The following SSC5D variants were observed in gnomAD, a reference collection of about 807,000 sequenced individuals.
SSC5D encodes the protein scavenger receptor cysteine rich family member with 5 domains.
Under a neutral mutation model 104.6 loss-of-function variants are expected in SSC5D, and 106 were observed. That is an observed-to-expected ratio of 1.01 (90% CI 0.87 to 1.19). The LOEUF is 1.19. Among genes scored for constraint, SSC5D ranks in the 50% most tolerant of loss-of-function variants. SSC5D has a pLI of 0.00. For synonymous variants in SSC5D, 860 were observed against 883.5 expected (o/e 0.97, Z 0.47); for missense variants, 1,993 against 2,153.8 (o/e 0.93, Z 1.48).
rs111983651 is a variant in SSC5D at position 55,517,220 on chromosome 19, C to G, written c.2948-4C>G. 275 of 1,535,898 alleles carry G rather than the reference C, an allele frequency of 1.8e-4. No homozygotes were observed. In the African/African-American group the frequency reaches 3.6e-3, roughly 20 times the overall value. ...CCGTCCGTCTGTCTTTCCTCCTCCT[C>G]CAGGTTCCCCGAGGAAACCGTGGCC... On this transcript the variant is annotated splice_polypyrimidine_tract_variant and splice_region_variant and intron_variant, in intron 13 of 13. Transcript: ENST00000389623.
At chr19:55,515,794 G>A (rs1024788130) in intron 13 of SSC5D, among the ~76,000 whole-genome samples, 2 of 152,016 alleles carry the variant, frequency 1.3e-5, no homozygotes, top group Non-Finnish European at 1.5e-5. Flanking sequence ...CACACTGGCC[G>A]CATTTCAAGG....
Position 55,518,319 on chromosome 19 carries a change from A to G in SSC5D, c.4043A>G (p.Glu1348Gly). Residue 1348 changes from glutamate to glycine, a missense_variant, in exon 14 of 14, where the codon GAA becomes GGA. This residue lies in a region of SSC5D where 349 missense variants were observed against 397.6 expected (regional missense o/e 0.88). Coordinates refer to ENST00000389623, the MANE Select transcript of SSC5D (RefSeq NM_001144950.2). ...TCCCTTCCAACCTCCTTGGGGACAG[A>G]ACTCTCCTCTCCCACTCTAGCACCA... ...TVSLPTSLGT[E>G]LSSPTLAPTV... The G allele has an allele frequency of 6.4e-7, 1 of 1,550,456 alleles. No individual in the cohort carries two copies. The highest frequency in any genetic ancestry group is 1.2e-5 in the South Asian group (1 of 83,990).
At chr19:55,493,155 C>T (rs900687733) in intron 6 of SSC5D, among the ~76,000 whole-genome samples, 1 of 152,218 alleles carries the variant, frequency 6.6e-6, no homozygotes, top group Non-Finnish European at 1.5e-5. Context: ...CCCCAAAGGA[C>T]ATCAGGCAAT....
chr19:55,490,846 A>G lies in SSC5D; in HGVS notation c.661A>G (p.Thr221Ala). The G allele has an allele frequency of 6.5e-7, 1 of 1,546,946 alleles. No individual in the cohort carries two copies. The highest frequency in any genetic ancestry group is 2.4e-5 in the East Asian group (1 of 40,832). Residue 221 changes from threonine to alanine, a missense_variant, in exon 6 of 14, where the codon ACC becomes GCC. Thr to Ala is a moderately conservative substitution (Grantham distance 58, BLOSUM62 0). This residue lies in a region of SSC5D where 1,101 missense variants were observed against 1,085.0 expected (regional missense o/e 1.01). Coordinates refer to ENST00000389623, the MANE Select transcript of SSC5D (RefSeq NM_001144950.2). ...GGTCTGGCACGGCGGGCGCTGGGGC[A>G]CCGTATGTGACGATGGCTGGGACCT... Reference protein sequence around the residue: ...LEVWHGGRWGTVCDDGWDLRD... With the variant: ...LEVWHGGRWGAVCDDGWDLRD...
At position 55,488,437 on chromosome 19, in the gene SSC5D, CTCCTGGCAAAGCGTCCAG is replaced by C; in HGVS notation, c.-152_-135del. Reference sequence around the variant, plus strand: ...CCGCCTCCCTGCAGCCTCTTTCTTCCTCCTGGCAAAGCGTCCAGCCCTGCCTGCTCCTCCTCGGGCCTG... The same window carrying C: ...CCGCCTCCCTGCAGCCTCTTTCTTCCCCCTGCCTGCTCCTCCTCGGGCCTG... On this transcript the variant is annotated 5_prime_UTR_variant, in exon 1 of 14. Transcript: ENST00000389623. 1 of 259,554 alleles carries C rather than the reference CTCCTGGCAAAGCGTCCAG, an allele frequency of 3.9e-6. No individual in the cohort carries two copies. Among genetic ancestry groups the C allele is most frequent in the South Asian group, 6.6e-5 (1 of 15,046 alleles). 16.1% of individuals were successfully genotyped at this position (259,554 alleles called of 1,614,324 possible). A position where few individuals can be genotyped will look rare whatever the true frequency, so the allele number is the denominator to read the frequency against.
chr19:55,493,525 C>G, intron 6 of SSC5D, 70 bp from the exon 7 acceptor site: 1 of 1,310,576 alleles, frequency 7.6e-7, no homozygotes, highest in Non-Finnish European at 9.9e-7. Context: ...TGCAGCCTGC[C>G]TGAGCATAGC....
chr19:55,490,485 C>A (rs117623868), intron 5 of SSC5D, 77 bp downstream of exon 5: 6 of 623,158 alleles, frequency 9.6e-6, no homozygotes, highest in Middle Eastern at 3.1e-4. Context: ...TGAGGACCTG[C>A]GGGCGCCCTC....
chr19:55,494,780 G>A lies in SSC5D; in HGVS notation c.1384G>A (p.Ala462Thr). The change falls in exon 8 of 14, where the codon GCC (alanine) becomes ACC (threonine). Residue 462 changes from alanine (A) to threonine (T), a missense_variant. Physicochemically the swap from Ala to Thr is moderately conservative, Grantham distance 58 (BLOSUM62 0). Coordinates refer to ENST00000389623, the MANE Select transcript of SSC5D (RefSeq NM_001144950.2). ...PTVLWEPGPEAGSPQLRLVAG... is the reference protein window; with the variant it reads ...PTVLWEPGPETGSPQLRLVAG... ...TGTCCTTTGGGAGCCTGGACCGGAA[G>A]CCGGTGAGTCCCTCCATGCTCCCCA... 1 of 1,541,768 alleles carries A rather than the reference G, an allele frequency of 6.5e-7. No individual in the cohort carries two copies. Among genetic ancestry groups the A allele is most frequent in the East Asian group, 2.5e-5 (1 of 40,402 alleles).
Position 55,493,761 on chromosome 19 carries a change from C to T in SSC5D, c.1062C>T (p.Pro354=), listed in dbSNP as rs1420264459. ...ELGCGGALAA[P]GGAFFGEGSG... ...GCTGCGGAGGGGCGCTGGCCGCCCC[C>T]GGGGGCGCCTTCTTTGGGGAGGGGT... is the stretch of plus-strand genomic sequence containing the variant. The change falls in exon 7 of 14, where the codon CCC becomes CCT. Residue 354 remains proline, a synonymous_variant. Coordinates refer to ENST00000389623, the MANE Select transcript of SSC5D (RefSeq NM_001144950.2). 4.6e-6 allele frequency: 7 copies of T among 1,528,458 alleles called. No individual in the cohort carries two copies. The East Asian group carries it at 1.0e-4, about 22-fold the overall frequency. 94.7% of individuals were successfully genotyped at this position (1,528,458 alleles called of 1,614,324 possible). A position where few individuals can be genotyped will look rare whatever the true frequency, so the allele number is the denominator to read the frequency against.
intron 2 of SSC5D, 41 bp downstream of exon 2, chr19:55,489,073 CA>C (rs1224143508): frequency 4.0e-5 from 39 of 975,994 alleles, no homozygotes; most frequent in Admixed American, 8.5e-5. Flanking sequence ...CCCCCCCCCC[CA>C]GGCCTCCCCC....
chr19:55,513,684 A>G (rs1987807385), intron 13 of SSC5D, among the ~76,000 whole-genome samples: 1 of 152,212 alleles, frequency 6.6e-6, no homozygotes, highest in Admixed American at 6.5e-5. Context: ...TTGGATTGTC[A>G]TGGCAGGAAG....
chr19:55,505,211 C>T (rs952756915), intron 12 of SSC5D, among the ~76,000 whole-genome samples: 1 of 151,662 alleles, frequency 6.6e-6, no homozygotes, highest in East Asian at 1.9e-4. Flanking sequence ...TGAAAACGAA[C>T]AACAGCTGCA....
At chr19:55,490,437 C>CAAGCAACA (rs1358560980) in intron 5 of SSC5D, 29 bp downstream of exon 5, 1 of 738,464 alleles carries the variant, frequency 1.4e-6, no homozygotes, top group Non-Finnish European at 2.2e-6. Flanking sequence ...CCCCCGACCC[C>CAAGCAACA]AAGGCTGGTT....
In SSC5D at chr19:55,517,247, G is replaced by A. The variant is rs1161255485; in HGVS notation, c.2971G>A (p.Glu991Lys). The A allele has an allele frequency of 3.2e-6, 5 of 1,541,292 alleles. No homozygotes were observed. Among genetic ancestry groups the A allele is most frequent in the East Asian group, 2.4e-5 (1 of 40,874 alleles). ...AGGTTCCCCGAGGAAACCGTGGCCC[G>A]AGCGCCGGCCACCGCGGCCCGCTGC... The part of the protein sequence containing the change: ...DTGSPRKPWP[E>K]RRPPRPAATR... Residue 991 changes from glutamate to lysine, a missense_variant, in exon 14 of 14, where the codon GAG becomes AAG. Glu to Lys is a moderately conservative substitution (Grantham distance 56, BLOSUM62 1). Around this residue, in one of 6 missense-constraint regions of SSC5D, gnomAD observed 423 missense variants for 409.2 expected, o/e 1.03. Transcript: ENST00000389623.
intron 13 of SSC5D, among the ~76,000 whole-genome samples, chr19:55,514,450 ATAATAATAG>A (rs1568484791): frequency 1.2e-5 from 1 of 86,936 alleles, no homozygotes; most frequent in East Asian, 3.7e-4. Context: ...AATAATAATA[ATAATAATAG>A]GTGTGGTGGC....
chr19:55,490,962 C>G lies in SSC5D; in HGVS notation c.777C>G (p.Pro259=). Residue 259 remains proline (P), a synonymous_variant, in exon 6 of 14, where the codon CCC becomes CCG. Coordinates refer to ENST00000389623, the MANE Select transcript of SSC5D (RefSeq NM_001144950.2). The part of the protein sequence containing the change: ...GGARFGPGAG[P]VWMDDVGCGG... Reference sequence around the variant, plus strand: ...CCAGATTCGGGCCTGGTGCAGGGCCCGTGTGGATGGACGATGTGGGGTGTG... The same window carrying G: ...CCAGATTCGGGCCTGGTGCAGGGCCGGTGTGGATGGACGATGTGGGGTGTG... 1.3e-6 allele frequency: 2 copies of G among 1,546,894 alleles called. No individual in the cohort carries two copies. The highest frequency in any genetic ancestry group is 1.4e-5 in the African/African-American group (1 of 73,022).
chr19:55,491,116 C>T lies in SSC5D; in HGVS notation c.895+36C>T. 4 of 1,525,350 alleles carry T rather than the reference C, an allele frequency of 2.6e-6. No individual in the cohort carries two copies. The East Asian group carries it at 7.4e-5, about 28-fold the overall frequency. The allele number at this position is 1,525,350 out of a possible 1,614,324, so 94.5% of individuals were successfully genotyped here. On this transcript the variant is annotated intron_variant, in intron 6 of 13. Transcript: ENST00000389623. ...CTGGGGCCTGGCCCCCTCCTGTCTT[C>T]CTCAGACCCCAGCTCCCTCTTGCCC...
In SSC5D at chr19:55,517,525, C is replaced by G. The variant is rs540579870; in HGVS notation, c.3249C>G (p.Thr1083=). ...TPDSSVVPAL[T]PEPSPTPLPT... ...ACTCCAGTGTGGTTCCCGCGTTGAC[C>G]CCGGAGCCCTCACCCACGCCCTTAC... Residue 1083 remains threonine, a synonymous_variant, in exon 14 of 14, where the codon ACC becomes ACG. Coordinates refer to ENST00000389623, the MANE Select transcript of SSC5D (RefSeq NM_001144950.2). The G allele has an allele frequency of 1.3e-6, 2 of 1,551,334 alleles. No individual in the cohort carries two copies. Among genetic ancestry groups the G allele is most frequent in the African/African-American group, 2.7e-5 (2 of 72,898 alleles).
In SSC5D at chr19:55,503,566, C is replaced by T. The variant is rs900392453; in HGVS notation, c.2785+2365C>T. On this transcript the variant is annotated intron_variant, in intron 12 of 13. Coordinates refer to ENST00000389623, the MANE Select transcript of SSC5D (RefSeq NM_001144950.2). This position sits in a 1 kb window ranked among gnomAD's most constrained non-coding sequence, Gnocchi z 4.0. ...TCCTCTGTCCGTTTCTCACCGTCCC[C>T]GCCGCCCTCGCCGCTCCCTCACGGG... 2.0e-5 allele frequency among the ~76,000 whole-genome samples: 3 copies of T among 152,094 alleles called. No homozygotes were observed. The highest frequency in any genetic ancestry group is 4.4e-5 in the Non-Finnish European group (3 of 68,024).
Sources: allele counts gnomAD v4.1 joint callset (sites outside exome capture counted in the v4.1 genomes callset), GRCh38; gene constraint gnomAD v4.1.1; regional missense constraint gnomAD v4.1.1; non-coding constraint Gnocchi (gnomAD v3.1); transcripts MANE v1.5; gene names NCBI Gene and HGNC (gene_info 2026-07-23, HGNC 2026-07-21).